TMEM232: variants seen among roughly 807,000 people sequenced by gnomAD.
The protein encoded by TMEM232 is transmembrane protein 232.
Under a neutral mutation model 78.8 loss-of-function variants are expected in TMEM232, and 80 were observed. The observed-to-expected ratio is 1.01, with a 90% CI of 0.85 to 1.22. The LOEUF (loss-of-function observed/expected upper bound fraction) is 1.22, where lower values mean the gene tolerates loss of function less well. Among genes scored for constraint, TMEM232 ranks in the 50% most tolerant of loss-of-function variants. The probability of loss-of-function intolerance (pLI) is 0.00; values close to 1 mark genes in which losing one functional copy is unlikely to be tolerated. For missense variants in TMEM232, 881 were observed against 742.2 expected (o/e 1.19, Z -2.17); for synonymous variants, 297 against 254.3 (o/e 1.17, Z -1.60).
At chr5:110,498,350 C>A (rs1016962325) in intron 12 of TMEM232, among the ~76,000 whole-genome samples, 1 of 152,044 alleles carries the variant, frequency 6.6e-6, no homozygotes, top group African/African-American at 2.4e-5. Flanking sequence ...TGAACAGAGG[C>A]TGTGCATATT....
At chr5:110,553,638 G>A (rs1474227850) in intron 11 of TMEM232, among the ~76,000 whole-genome samples, 2 of 152,070 alleles carry the variant, frequency 1.3e-5, no homozygotes, top group Admixed American at 6.6e-5. Flanking sequence ...AGACTATGGG[G>A]TTTTCTAGAT....
intron 12 of TMEM232, among the ~76,000 whole-genome samples, chr5:110,456,662 C>T (rs562234271): frequency 6.6e-6 from 1 of 152,164 alleles, no homozygotes; most frequent in South Asian, 2.1e-4. Context: ...GTGGTATTGA[C>T]CTCAAGACAG....
intron 7 of TMEM232, among the ~76,000 whole-genome samples, chr5:110,623,493 A>T (rs564800573): frequency 2.0e-5 from 3 of 152,288 alleles, no homozygotes; most frequent in African/African-American, 7.2e-5. Flanking sequence ...GATGAGATTG[A>T]TGCAAATGTA....
chr5:110,587,379 T>C (rs1183619156), intron 10 of TMEM232, among the ~76,000 whole-genome samples: 1 of 152,050 alleles, frequency 6.6e-6, no homozygotes, highest in African/African-American at 2.4e-5. Flanking sequence ...TCAAACAAGA[T>C]GGTAAACTCC....
In TMEM232 at chr5:110,590,245, T is replaced by C. The variant is rs189991321; in HGVS notation, c.1276+14864A>G. On this transcript the variant is annotated intron_variant, in intron 10 of 13. Coordinates refer to ENST00000455884, the MANE Select transcript of TMEM232 (RefSeq NM_001039763.4). ...CTCACACAAACCTCAGAGTGGAAAA[T>C]GGACATGTTAAGTAGCCTTCTTGTC... Among the ~76,000 whole-genome samples, 469 of 152,222 alleles carry C rather than the reference T, an allele frequency of 3.1e-3. 1 individual carries two copies. The highest frequency in any genetic ancestry group is 5.0e-3 in the Non-Finnish European group (343 of 68,026).
At chr5:110,555,796 GC>G (rs544568775) in intron 11 of TMEM232, among the ~76,000 whole-genome samples, 135 of 152,094 alleles carry the variant, frequency 8.9e-4, no homozygotes, top group African/African-American at 3.2e-3. Context: ...AATCCGTTTT[GC>G]CTGAAATTAG....
chr5:110,509,540 C>G (rs898390369), intron 12 of TMEM232, among the ~76,000 whole-genome samples: 9 of 152,034 alleles, frequency 5.9e-5, no homozygotes, highest in African/African-American at 2.2e-4. Flanking sequence ...TCTGCCTTCA[C>G]GATTTCTTGG....
intron 12 of TMEM232, among the ~76,000 whole-genome samples, chr5:110,473,465 T>TA (rs1762894939): frequency 6.6e-6 from 1 of 151,952 alleles, no homozygotes; most frequent in Admixed American, 6.6e-5. Flanking sequence ...AGGGAACCCT[T>TA]ATGCACTGTT....
intron 10 of TMEM232, among the ~76,000 whole-genome samples, chr5:110,601,387 G>C (rs1016017117): frequency 1.3e-5 from 2 of 152,108 alleles, no homozygotes; most frequent in Non-Finnish European, 2.9e-5. Context: ...TGACATGATT[G>C]CATATTTAGA....
chr5:110,674,577 TA>T (rs1360699262), intron 1 of TMEM232, among the ~76,000 whole-genome samples: 1 of 152,178 alleles, frequency 6.6e-6, no homozygotes, highest in Non-Finnish European at 1.5e-5. Flanking sequence ...AAGTTCAAAC[TA>T]AAAAATGTTT....
At chr5:110,707,135 G>C (rs1796000939) in intron 1 of TMEM232, among the ~76,000 whole-genome samples, 1 of 152,112 alleles carries the variant, frequency 6.6e-6, no homozygotes, top group Admixed American at 6.6e-5. Context: ...CTCCCTTGCA[G>C]GAACACCAAA....
chr5:110,399,707 T>G (rs10491437), intron 2 of TMEM232, among the ~76,000 whole-genome samples: 9,640 of 152,200 alleles, frequency 0.063, 620 homozygotes, highest in East Asian at 0.23. Context: ...TAAGCTCTTC[T>G]TGATTTCCAT....
At chr5:110,435,278 TTTTAATGTTTAAAAATTTAAACA>T (rs910564974) in intron 12 of TMEM232, among the ~76,000 whole-genome samples, 12 of 151,814 alleles carry the variant, frequency 7.9e-5, no homozygotes, top group African/African-American at 2.2e-4. Context: ...ACTTTAAGTT[TTTTAATGTTTAAAAATTTAAACA>T]TTTAATGTTT....
At chr5:110,656,579 C>T (rs1290374954) in intron 2 of TMEM232, among the ~76,000 whole-genome samples, 1 of 152,174 alleles carries the variant, frequency 6.6e-6, no homozygotes, top group Non-Finnish European at 1.5e-5. Flanking sequence ...GTGGCTCACG[C>T]CTATAATCCC....
chr5:110,527,512 T>A (rs1770771330), intron 12 of TMEM232, among the ~76,000 whole-genome samples: 3 of 151,990 alleles, frequency 2.0e-5, no homozygotes, highest in Non-Finnish European at 4.4e-5. Context: ...TCAGCAACTA[T>A]TTAGTCCAGG....
intron 12 of TMEM232, among the ~76,000 whole-genome samples, chr5:110,478,034 A>G (rs1580846957): frequency 1.3e-5 from 2 of 152,014 alleles, no homozygotes; most frequent in African/African-American, 4.8e-5. Flanking sequence ...ATTCATTACT[A>G]CATTCTGAAT....
intron 13 of TMEM232, among the ~76,000 whole-genome samples, chr5:110,424,601 G>A (rs779366168): frequency 2.0e-5 from 3 of 152,070 alleles, no homozygotes; most frequent in Non-Finnish European, 4.4e-5. Context: ...ACAGGATTAG[G>A]TTAGTATTTT....
chr5:110,443,729 C>G (rs1759316863), intron 12 of TMEM232, among the ~76,000 whole-genome samples: 2 of 152,210 alleles, frequency 1.3e-5, no homozygotes, highest in Non-Finnish European at 2.9e-5. Flanking sequence ...TCAGAGCCAA[C>G]AGCCTACGGC....
At chr5:110,537,285 A>G (rs573785669) in intron 11 of TMEM232, among the ~76,000 whole-genome samples, 8 of 141,970 alleles carry the variant, frequency 5.6e-5, no homozygotes, top group African/African-American at 2.5e-4. Context: ...ACTTATATAT[A>G]TATATATTTT....
Sources: allele counts gnomAD v4.1 joint callset (sites outside exome capture counted in the v4.1 genomes callset), GRCh38; gene constraint gnomAD v4.1.1; transcripts MANE v1.5; gene names NCBI Gene and HGNC (gene_info 2026-07-23, HGNC 2026-07-21).